Variants in ZNRF1 observed in about 807,000 individuals in gnomAD.
The protein encoded by ZNRF1 is zinc and ring finger 1.
In ZNRF1, 3 loss-of-function variants were observed where a neutral mutation model predicts 18.4. That is an observed-to-expected ratio of 0.16 (90% CI 0.07 to 0.42). The LOEUF (loss-of-function observed/expected upper bound fraction) is 0.42, where lower values mean the gene tolerates loss of function less well. Ranked by LOEUF, ZNRF1 falls within the 10% of genes least tolerant of loss-of-function variation. The pLI is 0.99. For synonymous variants in ZNRF1, 157 were observed against 144.2 expected, an observed-to-expected ratio of 1.09 and a Z score of -0.64; for missense variants, 310 against 329.8, an observed-to-expected ratio of 0.94 and a Z score of 0.47.
rs144735914 is a variant in ZNRF1, at chr16:75,093,803, G to A, written c.520+136G>A. The A allele has an allele frequency of 3.4e-4, 223 of 652,516 alleles. No homozygotes were observed. The African/African-American group carries it at 3.7e-3, about 11-fold the overall frequency. The allele number at this position is 652,516 out of a possible 1,614,324, so 40.4% of individuals were successfully genotyped here. ...CCTCTGGCAGGTGTGCCTCAGTGGTGGTGAGGAAGTGGACTGTTCTGGGAG... is the reference window on the plus strand; with the variant it reads ...CCTCTGGCAGGTGTGCCTCAGTGGTAGTGAGGAAGTGGACTGTTCTGGGAG... On this transcript the variant is annotated intron_variant, in intron 2 of 4. Transcript: ENST00000335325.
intron 1 of ZNRF1, among the ~76,000 whole-genome samples, chr16:75,044,529 C>T (rs1458473519): frequency 1.3e-5 from 2 of 150,102 alleles, no homozygotes; most frequent in Non-Finnish European, 1.5e-5. Context: ...TGCACCCAGC[C>T]ATTTTTTTTT....
At position 75,038,502 on chromosome 16, in the gene ZNRF1, T is replaced by C. The variant is rs1278068749; in HGVS notation, c.424+38407T>C. Among the ~76,000 whole-genome samples the C allele has an allele frequency of 3.9e-5, 6 of 152,202 alleles. No individual in the cohort carries two copies. In the East Asian group the frequency reaches 9.6e-4, roughly 24 times the overall value. ...ATGATGTGGCTTTCTCCACCTTCCG[T>C]TGGTCAAAACAAGAATTTGGTTTGG... On this transcript the variant is annotated intron_variant, in intron 1 of 4. Coordinates refer to ENST00000335325, the MANE Select transcript of ZNRF1 (RefSeq NM_032268.5).
At chr16:75,091,385 ATATTGCAGATGGTTATCAC>A (rs2036137904) in intron 1 of ZNRF1, among the ~76,000 whole-genome samples, 1 of 151,844 alleles carries the variant, frequency 6.6e-6, no homozygotes, top group Non-Finnish European at 1.5e-5. Flanking sequence ...AAGAAAAGAA[ATATTGCAGATGGTTATCAC>A]TAGTATCAAT....
At chr16:75,012,349 C>T (rs1389724315) in intron 1 of ZNRF1, among the ~76,000 whole-genome samples, 1 of 152,182 alleles carries the variant, frequency 6.6e-6, no homozygotes, top group Admixed American at 6.5e-5. Context: ...ATAGGCAGAA[C>T]ATCAGCTTTC....
At chr16:75,071,436 C>T (rs1022779735) in intron 1 of ZNRF1, among the ~76,000 whole-genome samples, 4 of 152,188 alleles carry the variant, frequency 2.6e-5, no homozygotes, top group South Asian at 2.1e-4. Context: ...TGGTTCTCCA[C>T]AGAGACCTCA....
At chr16:75,039,697 C>G (rs887173803) in intron 1 of ZNRF1, among the ~76,000 whole-genome samples, 1 of 152,190 alleles carries the variant, frequency 6.6e-6, no homozygotes, top group African/African-American at 2.4e-5. Context: ...CACCCCAGAC[C>G]TACTGAATCC....
intron 1 of ZNRF1, among the ~76,000 whole-genome samples, chr16:75,053,921 A>C (rs1030965778): frequency 6.6e-6 from 1 of 152,166 alleles, no homozygotes; most frequent in African/African-American, 2.4e-5. Context: ...TGGCCACGCA[A>C]GTTCTTTGTT....
At chr16:75,085,110 T>A (rs990465909) in intron 1 of ZNRF1, among the ~76,000 whole-genome samples, 3 of 152,178 alleles carry the variant, frequency 2.0e-5, no homozygotes, top group Non-Finnish European at 4.4e-5. Context: ...GACAAACACA[T>A]ACGCGTGTGT....
intron 1 of ZNRF1, among the ~76,000 whole-genome samples, chr16:75,069,659 G>A (rs1013495738): frequency 1.3e-5 from 2 of 152,096 alleles, no homozygotes; most frequent in South Asian, 2.1e-4. Context: ...TGATCCACCC[G>A]CCTCGGCCTC....
chr16:75,001,933 C>T (rs1417851513), intron 1 of ZNRF1, among the ~76,000 whole-genome samples: 1 of 152,034 alleles, frequency 6.6e-6, no homozygotes, highest in Non-Finnish European at 1.5e-5. Flanking sequence ...ACTGTGGGGA[C>T]AGGAAGGTTG....
intron 1 of ZNRF1, among the ~76,000 whole-genome samples, chr16:75,012,787 T>A (rs1201664994): frequency 6.6e-6 from 1 of 152,206 alleles, no homozygotes; most frequent in Non-Finnish European, 1.5e-5. Context: ...CGGGAAGGGC[T>A]GAACGGTTAT....
At chr16:75,066,757 G>A (rs2035809595) in intron 1 of ZNRF1, among the ~76,000 whole-genome samples, 1 of 151,932 alleles carries the variant, frequency 6.6e-6, no homozygotes, top group Non-Finnish European at 1.5e-5. Flanking sequence ...GCCCACCTTG[G>A]CCTCCCAAAG....
At chr16:75,068,769 A>G (rs2035834247) in intron 1 of ZNRF1, among the ~76,000 whole-genome samples, 1 of 152,074 alleles carries the variant, frequency 6.6e-6, no homozygotes, top group Non-Finnish European at 1.5e-5. Context: ...CTAAGGCACA[A>G]AGTGAAATCG....
In ZNRF1 at chr16:75,042,443, CTTTTTTTTT is replaced by C. The variant is rs56212046; in HGVS notation, c.424+42359_424+42367del. Among the ~76,000 whole-genome samples, 19 of 116,946 alleles carry C rather than the reference CTTTTTTTTT, an allele frequency of 1.6e-4. No individual in the cohort carries two copies. The East Asian group carries it at 3.0e-3, about 18-fold the overall frequency. The allele number at this position is 116,946 out of a possible 152,430, so 76.7% of individuals were successfully genotyped here. ...TGAGGGAGGGAGTGTCTGTTTCTTT[CTTTTTTTTT>C]TTTTTTTTTTGTAAACACACATATT... On this transcript the variant is annotated intron_variant, in intron 1 of 4. Coordinates refer to ENST00000335325, the MANE Select transcript of ZNRF1 (RefSeq NM_032268.5).
At chr16:75,005,899 G>A (rs1373016230) in intron 1 of ZNRF1, among the ~76,000 whole-genome samples, 1 of 152,094 alleles carries the variant, frequency 6.6e-6, no homozygotes, top group African/African-American at 2.4e-5. Context: ...AAACATCATA[G>A]GGTGTACATA....
At chr16:75,086,893 C>G (rs1007220991) in intron 1 of ZNRF1, among the ~76,000 whole-genome samples, 2 of 151,946 alleles carry the variant, frequency 1.3e-5, no homozygotes, top group African/African-American at 4.8e-5. Context: ...TTAGGTGATC[C>G]CAGAGACAGG....
intron 1 of ZNRF1, among the ~76,000 whole-genome samples, chr16:75,001,202 T>C (rs574707306): frequency 2.2e-4 from 34 of 152,296 alleles, no homozygotes; most frequent in Middle Eastern, 3.4e-3. Context: ...GGGTACTTTA[T>C]GGAGGGTAAT....
At chr16:75,042,713 A>C (rs116446321) in intron 1 of ZNRF1, among the ~76,000 whole-genome samples, 1 of 152,124 alleles carries the variant, frequency 6.6e-6, no homozygotes. Context: ...GGTTTTGACT[A>C]TCCTAGGTCC....
intron 3 of ZNRF1, chr16:75,106,039 T>C (rs1322664862): frequency 6.0e-6 from 1 of 166,172 alleles, no homozygotes; most frequent in Non-Finnish European, 1.3e-5. Context: ...AAGGAGCTCT[T>C]TCAGGACTGT....
Sources: gnomAD v4.1 joint callset for allele counts (sites outside exome capture counted in the v4.1 genomes callset) on GRCh38, gnomAD v4.1.1 for gene constraint, MANE v1.5 for transcripts, NCBI Gene and HGNC (gene_info 2026-07-23, HGNC 2026-07-21) for gene names.